TAF15: variants seen among roughly 807,000 people sequenced by gnomAD.
The protein encoded by TAF15 is TATA-binding protein-associated factor 2N.
TAF15 carries 37 observed loss-of-function variants against 102.5 expected under a neutral mutation model. The observed-to-expected ratio is 0.36, with a 90% confidence interval of 0.28 to 0.47. The LOEUF (loss-of-function observed/expected upper bound fraction) is 0.47. Ranked by LOEUF, TAF15 falls within the 20% of genes least tolerant of loss-of-function variation. The probability of loss-of-function intolerance (pLI) is 0.99; values close to 1 mark genes in which losing one functional copy is unlikely to be tolerated. For missense variants in TAF15, 652 were observed against 760.7 expected (o/e 0.86, Z 1.68); for synonymous variants, 273 against 259.2 (o/e 1.05, Z -0.51).
chr17:35,822,791 TC>T lies in TAF15; in HGVS notation c.444del (p.Tyr149IlefsTer19). 6.2e-7 allele frequency: 1 copy of T among 1,614,130 alleles called. No individual in the cohort carries two copies. The highest frequency in any genetic ancestry group is 8.5e-7 in the Non-Finnish European group (1 of 1,180,010). ...TGATTCCTATAGTCAAAACCAGCAG[TC>T]CTATCATTCACAAAGGGAAAACTAC... ...QHDSYSQNQQSYHSQRENYSH... is the reference protein window; with the variant it reads ...QHDSYSQNQQXYHSQRENYSH... On this transcript the variant is annotated frameshift_variant, in exon 6 of 16. Coordinates refer to ENST00000605844, the MANE Select transcript of TAF15 (RefSeq NM_139215.3). LOFTEE classifies it high-confidence loss of function.
chr17:35,809,648 A>G, intron 1 of TAF15, 72 bp downstream of exon 1: 1 of 1,603,012 alleles, frequency 6.2e-7, no homozygotes, highest in South Asian at 1.1e-5. Flanking sequence ...CTTCCCGCCC[A>G]CCGGAGGGCC....
At chr17:35,823,828 T>C (rs1014921526) in intron 6 of TAF15, 4 of 565,596 alleles carry the variant, frequency 7.1e-6, no homozygotes, top group African/African-American at 3.8e-5. Flanking sequence ...CATGTCACTT[T>C]AGCAGAATGG....
intron 7 of TAF15, among the ~76,000 whole-genome samples, chr17:35,825,068 G>A (rs2087309292): frequency 6.6e-6 from 1 of 152,136 alleles, no homozygotes; most frequent in African/African-American, 2.4e-5. Context: ...AAACTTATCA[G>A]TCATATATCA....
intron 7 of TAF15, among the ~76,000 whole-genome samples, chr17:35,827,266 G>A (rs1380176355): frequency 2.0e-5 from 3 of 151,410 alleles, no homozygotes; most frequent in Admixed American, 6.6e-5. Context: ...AACCCAGGAG[G>A]CGGAGCTTGC....
At chr17:35,826,187 C>T (rs949117888) in intron 7 of TAF15, among the ~76,000 whole-genome samples, 1 of 152,076 alleles carries the variant, frequency 6.6e-6, no homozygotes, top group African/African-American at 2.4e-5. Flanking sequence ...CCCCTTAATA[C>T]AAAATCATAT....
At chr17:35,829,306 TTTTTA>T (rs1386807783) in intron 7 of TAF15, among the ~76,000 whole-genome samples, 1 of 151,456 alleles carries the variant, frequency 6.6e-6, no homozygotes, top group Non-Finnish European at 1.5e-5. Context: ...TATAGTTAGG[TTTTTA>T]TTTTATTTTT....
At chr17:35,836,898 C>T (rs2087481791) in intron 10 of TAF15, among the ~76,000 whole-genome samples, 2 of 151,954 alleles carry the variant, frequency 1.3e-5, no homozygotes, top group African/African-American at 4.8e-5. Flanking sequence ...CTGCCTCAGC[C>T]TCTTGAGTAG....
chr17:35,843,826 C>T (rs1242075729), intron 12 of TAF15, among the ~76,000 whole-genome samples: 1 of 152,174 alleles, frequency 6.6e-6, no homozygotes, highest in Non-Finnish European at 1.5e-5. Flanking sequence ...ACCTGTATTA[C>T]AGAAAATGGA....
intron 15 of TAF15, among the ~76,000 whole-genome samples, chr17:35,845,278 A>C (rs553875302): frequency 6.6e-6 from 1 of 152,262 alleles, no homozygotes; most frequent in Admixed American, 6.5e-5. Context: ...TGACAGAGAC[A>C]GGGTCTTGCT....
chr17:35,838,671 G>A, intron 11 of TAF15, 118 bp downstream of exon 11: 1 of 1,467,876 alleles, frequency 6.8e-7, no homozygotes, highest in South Asian at 1.2e-5. Context: ...CAGATATTAA[G>A]AATACAGGTC....
At chr17:35,824,238 CCT>C (rs1491452871) in intron 7 of TAF15, 40 bp downstream of exon 7, 2 of 1,587,850 alleles carry the variant, frequency 1.3e-6, no homozygotes, top group East Asian at 4.5e-5. Context: ...TCTTCTTCTT[CCT>C]CTTTTTTTTT....
chr17:35,830,566 A>G (rs2087391607), intron 7 of TAF15, among the ~76,000 whole-genome samples: 1 of 152,248 alleles, frequency 6.6e-6, no homozygotes, highest in African/African-American at 2.4e-5. Context: ...CCTCAGGCAC[A>G]TCTTCTGTTA....
rs546676926 is a variant in TAF15 at position 35,811,012 on chromosome 17, T to A, written c.7+1436T>A. On this transcript the variant is annotated intron_variant, in intron 1 of 15. Coordinates refer to ENST00000605844, the MANE Select transcript of TAF15 (RefSeq NM_139215.3). ...CTTTTTCTAGGTACGTAATTTGGGATGAAGTCTGATAAAGCTCCTTAGAAG... is the reference window on the plus strand; with the variant it reads ...CTTTTTCTAGGTACGTAATTTGGGAAGAAGTCTGATAAAGCTCCTTAGAAG... 29 of 152,332 alleles carry A rather than the reference T, an allele frequency of 1.9e-4. No homozygotes were observed. In the South Asian group the frequency reaches 5.8e-3, roughly 30 times the overall value. The allele number at this position is 152,332 out of a possible 1,614,324, so 9.4% of individuals were successfully genotyped here.
Position 35,836,141 on chromosome 17 carries a change from C to G in TAF15, c.683C>G (p.Ser228Cys). ...ACTTTTTTTCTCTTAGATTCAGAATCTGATAATTCAGATAACAACACAATC... is the reference window on the plus strand; with the variant it reads ...ACTTTTTTTCTCTTAGATTCAGAATGTGATAATTCAGATAACAACACAATC... Reference protein sequence around the residue: ...YGPRTDADSESDNSDNNTIFV... With the variant: ...YGPRTDADSECDNSDNNTIFV... The change falls in exon 10 of 16, where the codon TCT (serine) becomes TGT (cysteine). Residue 228 changes from serine to cysteine, a missense_variant. By Grantham distance (112) the Ser-to-Cys change is moderately radical (BLOSUM62 -1). This residue lies in a region of TAF15 where 243 missense variants were observed against 284.1 expected (regional missense o/e 0.86). Transcript: ENST00000605844. 1 of 1,611,976 alleles carries G rather than the reference C, an allele frequency of 6.2e-7. No homozygotes were observed. Among genetic ancestry groups the G allele is most frequent in the South Asian group, 1.1e-5 (1 of 91,006 alleles).
chr17:35,822,562 TA>T (rs2087274406), intron 5 of TAF15, 77 bp from the exon 6 acceptor site: 1 of 1,380,934 alleles, frequency 7.2e-7, no homozygotes, highest in South Asian at 1.2e-5. Context: ...TCAGGACTCT[TA>T]ACATCAGTTT....
At chr17:35,833,870 T>C (rs373860747) in intron 7 of TAF15, 37 bp from the exon 8 acceptor site, 3 of 1,612,424 alleles carry the variant, frequency 1.9e-6, no homozygotes, top group Non-Finnish European at 2.5e-6. Context: ...ATTAGAGACT[T>C]AAGGAAGAAA....
intron 7 of TAF15, among the ~76,000 whole-genome samples, chr17:35,829,434 C>G (rs968772643): frequency 6.0e-5 from 9 of 150,318 alleles, no homozygotes. Flanking sequence ...AGATCGAGAC[C>G]ATCCTGGCTA....
At position 35,820,050 on chromosome 17, in the gene TAF15, G is replaced by A. The variant is rs888286847; in HGVS notation, c.74G>A (p.Ser25Asn). The A allele has an allele frequency of 6.2e-7, 1 of 1,614,024 alleles. No individual in the cohort carries two copies. Among genetic ancestry groups the A allele is most frequent in the Non-Finnish European group, 8.5e-7 (1 of 1,179,928 alleles). Residue 25 changes from serine to asparagine, a missense_variant, in exon 3 of 16, where the codon AGC (serine) becomes AAC (asparagine). Physicochemically the swap from Ser to Asn is conservative, Grantham distance 46. Coordinates refer to ENST00000605844, the MANE Select transcript of TAF15 (RefSeq NM_139215.3). ...QSYSTYGNPGSQGYGQASQSY... is the reference protein window; with the variant it reads ...QSYSTYGNPGNQGYGQASQSY... ...TATTCTACCTATGGAAATCCAGGCA[G>A]CCAAGGCTATGGACAAGCATCACAA...
In TAF15 at chr17:35,844,364, A is replaced by C; in HGVS notation, c.1173A>C (p.Gly391=). The C allele has an allele frequency of 6.2e-7, 1 of 1,614,074 alleles. No homozygotes were observed. The highest frequency in any genetic ancestry group is 8.5e-7 in the Non-Finnish European group (1 of 1,179,942). The change falls in exon 14 of 16, where the codon GGA becomes GGC. Residue 391 remains glycine (G), a synonymous_variant. Transcript: ENST00000605844. Reference sequence around the variant, plus strand: ...GACCAGAGGACTCTCGTCCCTCAGGAGGAGGTGGGTCAGCCTTTTAATAGC... The same window carrying C: ...GACCAGAGGACTCTCGTCCCTCAGGCGGAGGTGGGTCAGCCTTTTAATAGC... ...EPRPEDSRPS[G]GDFRGRGYGG...
Sources: gnomAD v4.1 joint callset for allele counts (sites outside exome capture counted in the v4.1 genomes callset) on GRCh38, gnomAD v4.1.1 for gene constraint, gnomAD v4.1.1 regional missense constraint, MANE v1.5 for transcripts, NCBI Gene and HGNC (gene_info 2026-07-23, HGNC 2026-07-21) for gene names.